AIMP2: variants seen among roughly 807,000 people sequenced by gnomAD.
The protein encoded by AIMP2 is aminoacyl tRNA synthase complex-interacting multifunctional protein 2.
Under a neutral mutation model 23.4 loss-of-function variants are expected in AIMP2, and 20 were observed. The observed-to-expected ratio is 0.85, with a 90% CI of 0.60 to 1.24. The LOEUF is 1.24. Ranked by LOEUF, AIMP2 falls within the 50% of genes most tolerant of loss-of-function variation. AIMP2 has a pLI of 0.00. For synonymous variants in AIMP2, 210 were observed against 170.4 expected (o/e 1.23, Z -1.81); for missense variants, 515 against 414.5 (o/e 1.24, Z -2.10).
chr7:6,009,974 A>AAAAAAAATATATATAT, intron 1 of AIMP2, among the ~76,000 whole-genome samples: 12 of 26,658 alleles, frequency 4.5e-4, no homozygotes, highest in Admixed American at 8.2e-4. Flanking sequence ...AAAAAAAAAA[A>AAAAAAAATATATATAT]ATATATATAT....
intron 3 of AIMP2, among the ~76,000 whole-genome samples, chr7:6,021,665 A>C (rs1562733009): frequency 6.6e-6 from 1 of 152,180 alleles, no homozygotes; most frequent in Non-Finnish European, 1.5e-5. Context: ...AAGTGCTTCC[A>C]AACCAGTGCC....
chr7:6,022,739 G>C (rs1222788539), intron 3 of AIMP2: 1 of 152,452 alleles, frequency 6.6e-6, no homozygotes, highest in Non-Finnish European at 1.5e-5. Context: ...GGCAAAGCGG[G>C]GAGTCATGGC....
intron 2 of AIMP2, among the ~76,000 whole-genome samples, chr7:6,015,581 G>A (rs1016958400): frequency 7.9e-5 from 12 of 152,258 alleles, no homozygotes; most frequent in Middle Eastern, 3.4e-3. Flanking sequence ...AAAATTCGCC[G>A]GGCGTGGTGG....
At chr7:6,016,212 G>A (rs1787022186) in intron 2 of AIMP2, among the ~76,000 whole-genome samples, 1 of 152,166 alleles carries the variant, frequency 6.6e-6, no homozygotes, top group South Asian at 2.1e-4. Context: ...CAGCTCTCAT[G>A]ATTGAAGTTT....
chr7:6,015,120 G>T (rs761360918), intron 1 of AIMP2, 26 bp from the exon 2 acceptor site: 3 of 1,613,718 alleles, frequency 1.9e-6, no homozygotes, highest in South Asian at 2.2e-5. Flanking sequence ...GAGAGGAAAT[G>T]AACATTTGGC....
chr7:6,017,019 A>G (rs569530042), intron 2 of AIMP2: 7 of 153,014 alleles, frequency 4.6e-5, no homozygotes, highest in Admixed American at 3.3e-4. Flanking sequence ...GTGGGAATAA[A>G]CAAGGCTGTC....
chr7:6,009,974 A>AATATATATATATATATATAT (rs1183984035), intron 1 of AIMP2, among the ~76,000 whole-genome samples: 20 of 26,632 alleles, frequency 7.5e-4, no homozygotes, highest in African/African-American at 9.8e-4. Context: ...AAAAAAAAAA[A>AATATATATATATATATATAT]ATATATATAT....
intron 1 of AIMP2, among the ~76,000 whole-genome samples, 161 bp downstream of exon 1, chr7:6,009,659 G>A (rs895125586): frequency 6.6e-6 from 1 of 151,932 alleles, no homozygotes; most frequent in Non-Finnish European, 1.5e-5. Flanking sequence ...TGTTTTAAAA[G>A]ATTTATCCAG....
Position 6,009,360 on chromosome 7 carries a change from T to C in AIMP2, c.-4T>C. 1.9e-6 allele frequency: 3 copies of C among 1,611,846 alleles called. No individual in the cohort carries two copies. The highest frequency in any genetic ancestry group is 2.5e-6 in the Non-Finnish European group (3 of 1,180,006). On this transcript the variant is annotated 5_prime_UTR_variant, in exon 1 of 4. Transcript: ENST00000223029. ...GCGCTACCCCCTTTTGCTTTGGTTC[T>C]GCCATGCCGATGTACCAGGTAAAGC...
In AIMP2 at chr7:6,023,407, G is replaced by A. The variant is rs765070549; in HGVS notation, c.679G>A (p.Ala227Thr). ...LFSLFGQKHN[A>T]VNATLIDSWV... The stretch of plus-strand genomic sequence containing the variant: ...CTCTCTGTTTGGCCAGAAGCATAAT[G>A]CTGTCAACGCAACCCTTATAGATAG... Residue 227 changes from alanine (A) to threonine (T), a missense_variant, in exon 4 of 4, where the codon GCT (alanine) becomes ACT (threonine). Physicochemically the swap from Ala to Thr is moderately conservative, Grantham distance 58. Coordinates refer to ENST00000223029, the MANE Select transcript of AIMP2 (RefSeq NM_006303.4). The A allele has an allele frequency of 3.1e-6, 5 of 1,614,224 alleles. No homozygotes were observed. The African/African-American group carries it at 6.7e-5, about 22-fold the overall frequency.
At position 6,019,032 on chromosome 7, in the gene AIMP2, C is replaced by T. The variant is rs76985170; in HGVS notation, c.574+987C>T. 0.023 allele frequency among the ~76,000 whole-genome samples: 3,525 copies of T among 151,386 alleles called. 262 individuals are homozygous for T. The East Asian group carries it at 0.29, about 12-fold the overall frequency. On this transcript the variant is annotated intron_variant, in intron 3 of 3. Coordinates refer to ENST00000223029, the MANE Select transcript of AIMP2 (RefSeq NM_006303.4). ...TGCAGTTGAGAGAAATGTAAACAAA[C>T]GTGAAGATGAGCATGAAATCCCAAC...
chr7:6,010,060 C>T (rs1438469277), intron 1 of AIMP2, among the ~76,000 whole-genome samples: 1 of 143,108 alleles, frequency 7.0e-6, no homozygotes, highest in Admixed American at 7.2e-5. Flanking sequence ...GAGACTGAGG[C>T]GGGAGGATCA....
At chr7:6,012,815 G>A (rs892000625) in intron 1 of AIMP2, 2 of 1,029,992 alleles carry the variant, frequency 1.9e-6, no homozygotes, top group Non-Finnish European at 2.4e-6. Flanking sequence ...CCCTTCCAAA[G>A]TGCTGAGATT....
chr7:6,019,722 G>A (rs1787262682), intron 3 of AIMP2, among the ~76,000 whole-genome samples: 1 of 152,000 alleles, frequency 6.6e-6, no homozygotes, highest in South Asian at 2.1e-4. Context: ...AAGAACCATT[G>A]TTTAAAAAAA....
chr7:6,016,526 T>C (rs3779108), intron 2 of AIMP2, among the ~76,000 whole-genome samples: 43,906 of 152,024 alleles, frequency 0.29, 7,026 homozygotes, highest in African/African-American at 0.42. Context: ...TCAGATGAGG[T>C]GCAACCAGGC....
intron 1 of AIMP2, among the ~76,000 whole-genome samples, chr7:6,010,288 A>G (rs541692168): frequency 9.9e-5 from 15 of 151,974 alleles, no homozygotes; most frequent in Middle Eastern, 6.8e-3. Context: ...CAGGGTCACC[A>G]TGGCCCAGGT....
chr7:6,011,470 A>G (rs796195704), intron 1 of AIMP2, among the ~76,000 whole-genome samples: 14 of 152,152 alleles, frequency 9.2e-5, no homozygotes, highest in African/African-American at 3.4e-4. Context: ...CTCTTTTCTC[A>G]TTGCAAACGT....
intron 3 of AIMP2, 82 bp from the exon 4 acceptor site, chr7:6,023,221 G>C: frequency 6.8e-7 from 1 of 1,463,684 alleles, no homozygotes; most frequent in South Asian, 1.4e-5. Context: ...GTGGTGTTTG[G>C]TGACTGTCCC....
chr7:6,019,748 G>A (rs1222213277), intron 3 of AIMP2, among the ~76,000 whole-genome samples: 1 of 152,140 alleles, frequency 6.6e-6, no homozygotes, highest in African/African-American at 2.4e-5. Context: ...ATTTGGTCGG[G>A]CACAGTGGCT....
Sources: gnomAD v4.1 joint callset for allele counts (sites outside exome capture counted in the v4.1 genomes callset) on GRCh38, gnomAD v4.1.1 for gene constraint, MANE v1.5 for transcripts, NCBI Gene and HGNC (gene_info 2026-07-23, HGNC 2026-07-21) for gene names.